ECPAS: variants seen among roughly 807,000 people sequenced by gnomAD.
ECPAS encodes proteasome adapter and scaffold protein ECM29.
ECPAS carries 70 observed loss-of-function variants against 255.1 expected under a neutral mutation model. The ratio of observed to expected loss-of-function variants is 0.27; its 90% CI spans 0.23 to 0.33. The LOEUF (loss-of-function observed/expected upper bound fraction) is 0.33. Among genes scored for constraint, ECPAS ranks in the 10% least tolerant of loss-of-function variants. ECPAS has a pLI of 1.00. For missense variants in ECPAS, 1,817 were observed against 2,206.4 expected (o/e 0.82, Z 3.54); for synonymous variants, 784 against 775.0 (o/e 1.01, Z -0.19).
chr9:111,379,429 A>G (rs928255581), intron 35 of ECPAS, among the ~76,000 whole-genome samples: 1 of 152,230 alleles, frequency 6.6e-6, no homozygotes, highest in Non-Finnish European at 1.5e-5. Context: ...TGATCATCTC[A>G]GCTTTCAGCG....
At chr9:111,428,724 A>C (rs2098225313) in intron 9 of ECPAS, among the ~76,000 whole-genome samples, 1 of 152,132 alleles carries the variant, frequency 6.6e-6, no homozygotes, top group Non-Finnish European at 1.5e-5. Context: ...ATAATTTCTT[A>C]ACAGTTAATT....
At chr9:111,427,318 T>C (rs1035450432) in intron 10 of ECPAS, among the ~76,000 whole-genome samples, 1 of 152,200 alleles carries the variant, frequency 6.6e-6, no homozygotes, top group Non-Finnish European at 1.5e-5. Flanking sequence ...GACATTAAGA[T>C]GAAATCAAGA....
chr9:111,430,941 ATG>A (rs1173159675), intron 8 of ECPAS, among the ~76,000 whole-genome samples: 7 of 152,350 alleles, frequency 4.6e-5, no homozygotes, highest in South Asian at 2.1e-4. Flanking sequence ...GGCCAATGGC[ATG>A]GAGCAACTCC....
chr9:111,374,303 C>A (rs2098130877), intron 38 of ECPAS, among the ~76,000 whole-genome samples: 1 of 152,172 alleles, frequency 6.6e-6, no homozygotes, highest in Admixed American at 6.5e-5. Context: ...AATATGTCAT[C>A]TTGTCCATCA....
chr9:111,397,245 G>C (rs2131637934), intron 24 of ECPAS, 92 bp from the exon 25 acceptor site: 1 of 1,510,908 alleles, frequency 6.6e-7, no homozygotes, highest in Non-Finnish European at 9.0e-7. Context: ...GTGTGGTTCT[G>C]AGCATGTTTT....
In ECPAS at chr9:111,416,152, C is replaced by A. The variant is rs558504741; in HGVS notation, c.1764+120G>T. 2.4e-5 allele frequency: 15 copies of A among 636,374 alleles called. No individual in the cohort carries two copies. The South Asian group carries it at 2.6e-4, about 11-fold the overall frequency. The allele number at this position is 636,374 out of a possible 1,614,324, so 39.4% of individuals were successfully genotyped here. On this transcript the variant is annotated intron_variant, in intron 18 of 49. Transcript: ENST00000684092. ...TTTAAATAAACAACCCGATGAAGAA[C>A]AATGACACCACAATATGGGTTTACC...
intron 48 of ECPAS, among the ~76,000 whole-genome samples, chr9:111,364,427 AG>A (rs1395207353): frequency 1.3e-5 from 2 of 152,222 alleles, no homozygotes; most frequent in East Asian, 3.8e-4. Context: ...AACCATTTGA[AG>A]GGGGAAAGAT....
intron 36 of ECPAS, 100 bp from the exon 37 acceptor site, chr9:111,376,641 T>TA (rs977825126): frequency 4.4e-4 from 357 of 802,648 alleles, no homozygotes; most frequent in Middle Eastern, 9.1e-4. Flanking sequence ...TAAAGAACTT[T>TA]AAAAAAAAAT....
intron 9 of ECPAS, among the ~76,000 whole-genome samples, chr9:111,430,065 G>T (rs7043239): frequency 0.29 from 43,491 of 152,018 alleles, 7,577 homozygotes; most frequent in Non-Finnish European, 0.4. Context: ...ATTCTGATAA[G>T]GTCTATGAGT....
chr9:111,425,875 T>C, intron 10 of ECPAS, 47 bp from the exon 11 acceptor site: 1 of 946,472 alleles, frequency 1.1e-6, no homozygotes, highest in Non-Finnish European at 1.6e-6. Context: ...AAAATAAGAA[T>C]TTAATATTTT....
intron 2 of ECPAS, among the ~76,000 whole-genome samples, chr9:111,466,526 C>T (rs2098279784): frequency 6.6e-6 from 1 of 151,550 alleles, no homozygotes; most frequent in African/African-American, 2.4e-5. Context: ...CTTAAAATTC[C>T]AAAACAAAAC....
At chr9:111,439,507 G>C (rs2098242854) in intron 6 of ECPAS, among the ~76,000 whole-genome samples, 1 of 152,046 alleles carries the variant, frequency 6.6e-6, no homozygotes, top group Admixed American at 6.5e-5. Flanking sequence ...GGGCTCAAGG[G>C]ATCTGTTCGG....
Position 111,411,105 on chromosome 9 carries a change from C to G in ECPAS, c.2252G>C (p.Gly751Ala), listed in dbSNP as rs773660909. ...AGCCAAATACCTTCCCACCGTGAAT[C>G]CCAATGCAAGCAAGGATCCATGCTG... ...EIQHGSLLAL[G>A]FTVGRYLAKK... Residue 751 changes from glycine (G) to alanine (A), a missense_variant, in exon 22 of 50, where the codon GGA (glycine) becomes GCA (alanine). By Grantham distance (60) the Gly-to-Ala change is moderately conservative. This residue lies in a region of ECPAS where 194 missense variants were observed against 152.8 expected (regional missense o/e 1.27). Coordinates refer to ENST00000684092, the MANE Select transcript of ECPAS (RefSeq NM_001364929.1). 3.1e-6 allele frequency: 5 copies of G among 1,613,818 alleles called. No individual in the cohort carries two copies. The highest frequency in any genetic ancestry group is 2.2e-5 in the South Asian group (2 of 91,060).
At chr9:111,391,113 GCTC>G (rs1199257868) in intron 29 of ECPAS, among the ~76,000 whole-genome samples, 1 of 152,196 alleles carries the variant, frequency 6.6e-6, no homozygotes, top group Admixed American at 6.5e-5. Context: ...CCAGCTCAGA[GCTC>G]CTCAAGAGGC....
chr9:111,447,493 A>G (rs1202564153), intron 3 of ECPAS, among the ~76,000 whole-genome samples: 1 of 152,212 alleles, frequency 6.6e-6, no homozygotes, highest in Non-Finnish European at 1.5e-5. Flanking sequence ...AATTTCCTAA[A>G]TATGGTTATA....
At chr9:111,434,950 G>C (rs958932139) in intron 7 of ECPAS, among the ~76,000 whole-genome samples, 2 of 138,656 alleles carry the variant, frequency 1.4e-5, no homozygotes, top group Non-Finnish European at 3.1e-5. Context: ...CCAGGATGGA[G>C]TGTCATGGCA....
intron 24 of ECPAS, among the ~76,000 whole-genome samples, chr9:111,407,330 A>C (rs1031012431): frequency 1.6e-5 from 2 of 128,028 alleles, no homozygotes; most frequent in Non-Finnish European, 3.1e-5. Context: ...TGAACCCGGG[A>C]GGTGGAGGTT....
At chr9:111,478,139 G>A (rs2098298835) in intron 1 of ECPAS, among the ~76,000 whole-genome samples, 2 of 151,458 alleles carry the variant, frequency 1.3e-5, no homozygotes, top group South Asian at 4.2e-4. Context: ...GGACTCAAGT[G>A]ATCTGACCAC....
rs763329779 is a variant in ECPAS at position 111,430,605 on chromosome 9, G to A, written c.872C>T (p.Ala291Val). The change falls in exon 9 of 50, where the codon GCC (alanine) becomes GTC (valine). Residue 291 changes from alanine to valine, a missense_variant. This residue lies in a region of ECPAS where 573 missense variants were observed against 716.2 expected (regional missense o/e 0.80). Transcript: ENST00000684092. ...KQSLIDWNNP[A>V]IINKMYKVYL... ...CACCTTGTACATCTTATTAATGATG[G>A]CAGGATTATTCCAGTCAATTAAGCT... The A allele has an allele frequency of 6.3e-7, 1 of 1,595,824 alleles. No homozygotes were observed.
Sources: gnomAD v4.1 joint callset for allele counts (sites outside exome capture counted in the v4.1 genomes callset) on GRCh38, gnomAD v4.1.1 for gene constraint, gnomAD v4.1.1 regional missense constraint, MANE v1.5 for transcripts, NCBI Gene and HGNC (gene_info 2026-07-23, HGNC 2026-07-21) for gene names.